AK5: variants seen among roughly 807,000 people sequenced by gnomAD.
AK5 encodes adenylate kinase 5.
In AK5, 27 loss-of-function variants were observed where a neutral mutation model predicts 69.5. The observed-to-expected ratio is 0.39, with a 90% CI of 0.29 to 0.54. The LOEUF (loss-of-function observed/expected upper bound fraction) is 0.54. AK5 is among the 20% of genes least tolerant of loss of function. AK5 has a pLI of 0.71. For synonymous variants in AK5, 260 were observed against 244.4 expected (o/e 1.06, Z -0.60); for missense variants, 531 against 700.4 (o/e 0.76, Z 2.73).
chr1:77,448,650 G>A (rs1175030534), intron 8 of AK5, among the ~76,000 whole-genome samples: 2 of 152,202 alleles, frequency 1.3e-5, no homozygotes, highest in African/African-American at 4.8e-5. Flanking sequence ...GGAACCCATG[G>A]CAGGACTGAA....
intron 8 of AK5, among the ~76,000 whole-genome samples, chr1:77,474,854 G>T (rs1570210670): frequency 6.6e-6 from 1 of 151,990 alleles, no homozygotes; most frequent in South Asian, 2.1e-4. Flanking sequence ...ACCCAGGCTA[G>T]AGCACAGTGG....
At chr1:77,403,256 C>G (rs953870174) in intron 6 of AK5, among the ~76,000 whole-genome samples, 6 of 152,146 alleles carry the variant, frequency 3.9e-5, no homozygotes, top group East Asian at 3.9e-4. Context: ...TGCCTGTTCA[C>G]TCTGATGGTA....
In AK5 at chr1:77,415,246, G is replaced by C. The variant is rs571140731; in HGVS notation, c.983-2393G>C. Among the ~76,000 whole-genome samples, 7 of 152,224 alleles carry C rather than the reference G, an allele frequency of 4.6e-5. No homozygotes were observed. The South Asian group carries it at 1.5e-3, about 32-fold the overall frequency. On this transcript the variant is annotated intron_variant, in intron 7 of 13. Coordinates refer to ENST00000354567, the MANE Select transcript of AK5 (RefSeq NM_174858.3). Reference sequence around the variant, plus strand: ...TCTTGCTCCGTTTTCAAGTATTAACGTGTAATATCCGTTAACTGAGTTGTT... The same window carrying C: ...TCTTGCTCCGTTTTCAAGTATTAACCTGTAATATCCGTTAACTGAGTTGTT...
At chr1:77,498,522 C>A (rs1656497476) in intron 10 of AK5, among the ~76,000 whole-genome samples, 1 of 152,194 alleles carries the variant, frequency 6.6e-6, no homozygotes, top group Non-Finnish European at 1.5e-5. Context: ...ACATGTACAG[C>A]TGTGTGACCT....
intron 7 of AK5, among the ~76,000 whole-genome samples, chr1:77,416,547 A>G (rs952512968): frequency 1.3e-5 from 2 of 152,196 alleles, no homozygotes; most frequent in Non-Finnish European, 2.9e-5. Flanking sequence ...AACTTAATCA[A>G]TTTGGTAATG....
chr1:77,488,739 G>GT (rs757857622), intron 10 of AK5, among the ~76,000 whole-genome samples: 6 of 152,108 alleles, frequency 3.9e-5, no homozygotes, highest in Non-Finnish European at 7.4e-5. Flanking sequence ...CTTTTCACAT[G>GT]TTTCTGCCTG....
intron 12 of AK5, among the ~76,000 whole-genome samples, chr1:77,531,212 A>G (rs1009913598): frequency 3.9e-5 from 6 of 152,122 alleles, no homozygotes; most frequent in African/African-American, 1.4e-4. Flanking sequence ...AGACCTTCGC[A>G]GTGTTACAGC....
At chr1:77,516,499 A>G (rs1657652240) in intron 10 of AK5, among the ~76,000 whole-genome samples, 1 of 152,208 alleles carries the variant, frequency 6.6e-6, no homozygotes, top group Non-Finnish European at 1.5e-5. Flanking sequence ...ATATATATGT[A>G]TATCAAACAT....
intron 5 of AK5, among the ~76,000 whole-genome samples, chr1:77,312,947 C>T (rs1365756446): frequency 6.6e-6 from 1 of 152,058 alleles, no homozygotes; most frequent in Non-Finnish European, 1.5e-5. Flanking sequence ...GACCTTCCTT[C>T]ATAATGATGC....
intron 5 of AK5, among the ~76,000 whole-genome samples, chr1:77,316,316 G>A (rs1321238457): frequency 6.6e-6 from 1 of 151,998 alleles, no homozygotes; most frequent in Non-Finnish European, 1.5e-5. Flanking sequence ...CATGTAGAAT[G>A]ACTATCTGTT....
intron 13 of AK5, among the ~76,000 whole-genome samples, chr1:77,540,879 T>C (rs1194220852): frequency 1.3e-5 from 2 of 152,046 alleles, no homozygotes; most frequent in Non-Finnish European, 2.9e-5. Context: ...AGAGTGTGGG[T>C]CACTGGAGCT....
intron 10 of AK5, among the ~76,000 whole-genome samples, chr1:77,509,238 C>T (rs1657194535): frequency 6.6e-6 from 1 of 152,222 alleles, no homozygotes; most frequent in Non-Finnish European, 1.5e-5. Flanking sequence ...TTCCCAGTCC[C>T]ATTTAAAGTT....
At chr1:77,436,535 C>T (rs1651973600) in intron 8 of AK5, among the ~76,000 whole-genome samples, 1 of 151,548 alleles carries the variant, frequency 6.6e-6, no homozygotes, top group Non-Finnish European at 1.5e-5. Flanking sequence ...ATTTAAGAAG[C>T]CAAGAACAAA....
At chr1:77,545,063 T>C (rs1659472132) in intron 13 of AK5, among the ~76,000 whole-genome samples, 3 of 152,214 alleles carry the variant, frequency 2.0e-5, no homozygotes, top group Admixed American at 2.0e-4. Flanking sequence ...ACTGCCATTG[T>C]ATAAGCAGTC....
rs1358672403 is a variant in AK5, at chr1:77,335,466, G to C, written c.700-4911G>C. Among the ~76,000 whole-genome samples the C allele has an allele frequency of 2.0e-5, 3 of 151,148 alleles. No individual in the cohort carries two copies. The East Asian group carries it at 5.8e-4, about 29-fold the overall frequency. ...GAGAACATACGCTAAGGAAAAGGAT[G>C]CAAAGGATCTTATGACCACTGTTTT... On this transcript the variant is annotated intron_variant, in intron 5 of 13. Transcript: ENST00000354567.
At chr1:77,514,472 G>A (rs978192789) in intron 10 of AK5, among the ~76,000 whole-genome samples, 4 of 152,132 alleles carry the variant, frequency 2.6e-5, no homozygotes, top group African/African-American at 9.7e-5. Context: ...ATATGTCGGT[G>A]GCAGTATATG....
chr1:77,391,350 A>G (rs189186813), intron 6 of AK5, among the ~76,000 whole-genome samples: 1 of 150,202 alleles, frequency 6.7e-6, no homozygotes, highest in Admixed American at 6.7e-5. Context: ...ACCCTGGTAT[A>G]CATTTATTTG....
intron 12 of AK5, among the ~76,000 whole-genome samples, chr1:77,527,920 G>A (rs997093509): frequency 3.9e-5 from 6 of 152,326 alleles, no homozygotes. Context: ...TTAGCGGGAC[G>A]TGGTGGCACA....
At chr1:77,284,881 G>A (rs1658263385) in intron 1 of AK5, among the ~76,000 whole-genome samples, 1 of 152,172 alleles carries the variant, frequency 6.6e-6, no homozygotes, top group African/African-American at 2.4e-5. Context: ...TATTGTTTAA[G>A]GACGCTGGAA....
Sources: gnomAD v4.1 joint callset for allele counts (sites outside exome capture counted in the v4.1 genomes callset) on GRCh38, gnomAD v4.1.1 for gene constraint, MANE v1.5 for transcripts, NCBI Gene and HGNC (gene_info 2026-07-23, HGNC 2026-07-21) for gene names.